Variants in DCAF11 observed in about 807,000 individuals in gnomAD.
DCAF11 encodes the protein DDB1- and CUL4-associated factor 11.
In DCAF11, 44 loss-of-function variants were observed where a neutral mutation model predicts 76.1. The ratio of observed to expected loss-of-function variants is 0.58; its 90% CI spans 0.45 to 0.74. The LOEUF (loss-of-function observed/expected upper bound fraction) is 0.74. Ranked by LOEUF, DCAF11 falls within the 30% of genes least tolerant of loss-of-function variation. The pLI, the probability that DCAF11 is intolerant of heterozygous loss-of-function variation, is 0.00. For missense variants in DCAF11, 604 were observed against 709.4 expected (o/e 0.85, Z 1.69); for synonymous variants, 258 against 255.0 (o/e 1.01, Z -0.11).
chr14:24,120,706 T>A, intron 11 of DCAF11, 132 bp from the exon 12 acceptor site: 2 of 1,155,780 alleles, frequency 1.7e-6, no homozygotes, highest in Non-Finnish European at 2.5e-6. Context: ...GGAAATGAGT[T>A]CACCTGGATG....
At chr14:24,119,285 C>G (rs2037645352) in intron 9 of DCAF11, 72 bp downstream of exon 9, 1 of 1,569,834 alleles carries the variant, frequency 6.4e-7, no homozygotes, top group African/African-American at 1.4e-5. Context: ...TCTGCTGTTA[C>G]ACAGATGGCA....
chr14:24,123,575 C>G lies in DCAF11; in HGVS notation c.*266C>G. Reference sequence around the variant, plus strand: ...GCCATTATCTGGGGTGTGGCCTCTGCCAGCAAGAGAAGTGTCCTGGGTGTT... The same window carrying G: ...GCCATTATCTGGGGTGTGGCCTCTGGCAGCAAGAGAAGTGTCCTGGGTGTT... On this transcript the variant is annotated 3_prime_UTR_variant, in exon 15 of 15. Coordinates refer to ENST00000446197, the MANE Select transcript of DCAF11 (RefSeq NM_025230.5). The G allele has an allele frequency of 2.4e-6, 1 of 424,874 alleles. No homozygotes were observed. The allele number at this position is 424,874 out of a possible 1,614,324, so 26.3% of individuals were successfully genotyped here. A position where few individuals can be genotyped will look rare whatever the true frequency, so the allele number is the denominator to read the frequency against.
chr14:24,119,997 T>A, intron 11 of DCAF11, 101 bp downstream of exon 11: 1 of 1,381,194 alleles, frequency 7.2e-7, no homozygotes, highest in African/African-American at 1.5e-5. Context: ...AGCTCCTTAT[T>A]AACCAAGGTT....
At chr14:24,115,881 C>G (rs1387739686) in intron 2 of DCAF11, 132 bp downstream of exon 2, 1 of 1,180,138 alleles carries the variant, frequency 8.5e-7, no homozygotes, top group Non-Finnish European at 1.2e-6. Flanking sequence ...GCTGAACAGC[C>G]TTTCCCTGCT....
chr14:24,119,556 C>G lies in DCAF11; in HGVS notation c.849-3C>G, dbSNP rs763912012. 1 of 1,614,128 alleles carries G rather than the reference C, an allele frequency of 6.2e-7. No homozygotes were observed. The highest frequency in any genetic ancestry group is 1.3e-5 in the African/African-American group (1 of 74,934). ...GGACCCTCCTTTATCCCTTCCCTTT[C>G]AGGGCCAATGATGGCTGCCTGTATG... On this transcript the variant is annotated splice_region_variant and splice_polypyrimidine_tract_variant and intron_variant, in intron 9 of 14. Transcript: ENST00000446197.
chr14:24,117,278 CT>C lies in DCAF11; in HGVS notation c.297del (p.Asp100ThrfsTer57). ...TTGGTACTCACAGTGGATGCTACCC[CT>C]GACACCCGGGAGCTGGAATTCAATG... ...DRYNPPVDAT[P>X]DTRELEFNEI... On this transcript the variant is annotated frameshift_variant, in exon 4 of 15. Coordinates refer to ENST00000446197, the MANE Select transcript of DCAF11 (RefSeq NM_025230.5). LOFTEE classifies it high-confidence loss of function. This position sits in a 1 kb window ranked among gnomAD's most constrained non-coding sequence, Gnocchi z 4.3. The C allele has an allele frequency of 6.2e-7, 1 of 1,614,208 alleles. No individual in the cohort carries two copies. Among genetic ancestry groups the C allele is most frequent in the Non-Finnish European group, 8.5e-7 (1 of 1,180,026 alleles).
chr14:24,123,111 G>A lies in DCAF11; in HGVS notation c.1506+34G>A, dbSNP rs377444604. The A allele has an allele frequency of 1.2e-5, 19 of 1,614,114 alleles. No homozygotes were observed. The African/African-American group carries it at 2.4e-4, about 20-fold the overall frequency. ...GCAAGGGTTGAGGGTGCTGGCACAT[G>A]TCTGGGGCTTGGACTTGGGTGGGGG... On this transcript the variant is annotated intron_variant, in intron 14 of 14. Coordinates refer to ENST00000446197, the MANE Select transcript of DCAF11 (RefSeq NM_025230.5).
chr14:24,118,831 T>C, intron 8 of DCAF11, 27 bp downstream of exon 8: 2 of 1,612,998 alleles, frequency 1.2e-6, no homozygotes, highest in Non-Finnish European at 1.7e-6. Flanking sequence ...CTGGTCAGAC[T>C]CATCAGAAAC....
At chr14:24,116,447 G>A (rs1330981918) in intron 2 of DCAF11, among the ~76,000 whole-genome samples, 1 of 152,134 alleles carries the variant, frequency 6.6e-6, no homozygotes, top group Non-Finnish European at 1.5e-5. Flanking sequence ...ACCACAGCCT[G>A]CAACTCCTGG....
rs1311514041 is a variant in DCAF11, at chr14:24,121,204, T to C, written c.1247-161T>C. The stretch of plus-strand genomic sequence containing the variant: ...GTGTAATGATTAACCGGCAGGGCCA[T>C]ATTGGAGACTGTCCACTGACTATTA... On this transcript the variant is annotated intron_variant, in intron 12 of 14. Coordinates refer to ENST00000446197, the MANE Select transcript of DCAF11 (RefSeq NM_025230.5). The C allele has an allele frequency of 1.5e-5, 17 of 1,122,872 alleles. No homozygotes were observed. In the East Asian group the frequency reaches 2.6e-4, roughly 17 times the overall value. The allele number at this position is 1,122,872 out of a possible 1,614,324, so 69.6% of individuals were successfully genotyped here. A position where few individuals can be genotyped will look rare whatever the true frequency, so the allele number is the denominator to read the frequency against.
rs1456115483 is a variant in DCAF11, at chr14:24,123,767, C to T, written c.*458C>T. ...CTTCCTGAGGTCTCTAGGGGAGGGG[C>T]ATGGGTAAGGGTGTTTCCTCAGCAC... On this transcript the variant is annotated 3_prime_UTR_variant, in exon 15 of 15. Coordinates refer to ENST00000446197, the MANE Select transcript of DCAF11 (RefSeq NM_025230.5). The T allele has an allele frequency of 6.4e-6, 1 of 155,552 alleles. No homozygotes were observed. The allele number at this position is 155,552 out of a possible 1,614,324, so 9.6% of individuals were successfully genotyped here. A position where few individuals can be genotyped will look rare whatever the true frequency, so the allele number is the denominator to read the frequency against.
Position 24,117,407 on chromosome 14 carries a change from C to T in DCAF11, c.411+14C>T, listed in dbSNP as rs753568618. The T allele has an allele frequency of 6.2e-7, 1 of 1,613,328 alleles. No homozygotes were observed. The highest frequency in any genetic ancestry group is 1.3e-5 in the African/African-American group (1 of 74,908). On this transcript the variant is annotated intron_variant, in intron 4 of 14. Transcript: ENST00000446197. This position sits in a 1 kb window ranked among gnomAD's most constrained non-coding sequence, Gnocchi z 4.3. ...ATGTTGCACCAGGTAGGCCTCTCCACCTCCCAGCCTGGCAGCAGGCCTGCC... is the reference window on the plus strand; with the variant it reads ...ATGTTGCACCAGGTAGGCCTCTCCATCTCCCAGCCTGGCAGCAGGCCTGCC...
rs1023544939 is a variant in DCAF11 at position 24,124,287 on chromosome 14, G to A, written c.*978G>A. The stretch of plus-strand genomic sequence containing the variant: ...AGAGCACACTTTCCATTAGAGCCTG[G>A]TAATACCCATATCACCTCTGCTCTG... On this transcript the variant is annotated 3_prime_UTR_variant, in exon 15 of 15. Coordinates refer to ENST00000446197, the MANE Select transcript of DCAF11 (RefSeq NM_025230.5). The A allele has an allele frequency of 3.9e-5, 6 of 152,208 alleles. No individual in the cohort carries two copies. The highest frequency in any genetic ancestry group is 1.4e-4 in the African/African-American group (6 of 41,458). 9.4% of individuals were successfully genotyped at this position (152,208 alleles called of 1,614,324 possible).
Position 24,118,795 on chromosome 14 carries a change from T to G in DCAF11, c.770T>G (p.Leu257Arg). 1.9e-6 allele frequency: 3 copies of G among 1,614,102 alleles called. No homozygotes were observed. In the East Asian group the frequency reaches 6.7e-5, roughly 36 times the overall value. Residue 257 changes from leucine (L) to arginine (R), a missense_variant, in exon 8 of 15, where the codon CTG (leucine) becomes CGG (arginine). Coordinates refer to ENST00000446197, the MANE Select transcript of DCAF11 (RefSeq NM_025230.5). ...IYGEGDTHTALDLRPDERRFA... is the reference protein window; with the variant it reads ...IYGEGDTHTARDLRPDERRFA... The stretch of plus-strand genomic sequence containing the variant: ...GGTGAGGGAGATACACACACTGCCC[T>G]GGATCTCAGGTACTGGCTTCCCTTT...
In DCAF11 at chr14:24,119,761, C is replaced by T; in HGVS notation, c.957C>T (p.Ser319=). 1 of 1,614,262 alleles carries T rather than the reference C, an allele frequency of 6.2e-7. No individual in the cohort carries two copies. Residue 319 remains serine (S), a synonymous_variant, in exon 11 of 15, where the codon AGC becomes AGT. Coordinates refer to ENST00000446197, the MANE Select transcript of DCAF11 (RefSeq NM_025230.5). ...DVNAVAFADI[S]SQILFSGGDD... Reference sequence around the variant, plus strand: ...ATGCAGTGGCCTTTGCTGATATAAGCTCCCAAATCCTGTTCTCTGGGGGAG... The same window carrying T: ...ATGCAGTGGCCTTTGCTGATATAAGTTCCCAAATCCTGTTCTCTGGGGGAG...
rs1317766656 is a variant in DCAF11 at position 24,118,152 on chromosome 14, C to T, written c.574C>T (p.Gln192Ter). The change falls in exon 6 of 15, where the codon CAA becomes TAA. Residue 192 changes from glutamine (Q) to a stop codon, truncating the protein, a stop_gained. Transcript: ENST00000446197. LOFTEE classifies it high-confidence loss of function. ...TGGTCAAATATTCATGTCTGCTTGCCAAGGTACCAGACCCTGGTCCTATAA... is the reference window on the plus strand; with the variant it reads ...TGGTCAAATATTCATGTCTGCTTGCTAAGGTACCAGACCCTGGTCCTATAA... The part of the protein sequence containing the change: ...KDGQIFMSAC[Q>*]DQTIRLYDCR... 1 of 1,611,296 alleles carries T rather than the reference C, an allele frequency of 6.2e-7. No homozygotes were observed. The highest frequency in any genetic ancestry group is 1.7e-5 in the Admixed American group (1 of 59,588).
At chr14:24,120,009 G>A (rs923246730) in intron 11 of DCAF11, 113 bp downstream of exon 11, 20 of 1,334,710 alleles carry the variant, frequency 1.5e-5, no homozygotes, top group African/African-American at 4.4e-5. Flanking sequence ...ACCAAGGTTT[G>A]TAAGAGTTGG....
At chr14:24,118,337 A>G (rs751619807) in intron 6 of DCAF11, 51 bp from the exon 7 acceptor site, 3 of 1,609,924 alleles carry the variant, frequency 1.9e-6, no homozygotes, top group Non-Finnish European at 2.5e-6. Flanking sequence ...CTAATCTAGA[A>G]AAGTTACAAG....
chr14:24,114,983 T>TC lies in DCAF11; in HGVS notation c.-522dup. 1 of 985,874 alleles carries TC rather than the reference T, an allele frequency of 1.0e-6. No homozygotes were observed. 61.1% of individuals were successfully genotyped at this position (985,874 alleles called of 1,614,324 possible). ...CTTCAGTGGGAGGTGCTTCTCGGCT[T>TC]CCTCCCCCTCATGGCGTACACACCC... On this transcript the variant is annotated 5_prime_UTR_variant, in exon 1 of 15. Transcript: ENST00000446197.
Sources: gnomAD v4.1 joint callset for allele counts (sites outside exome capture counted in the v4.1 genomes callset) on GRCh38, gnomAD v4.1.1 for gene constraint, Gnocchi (gnomAD v3.1) non-coding constraint, MANE v1.5 for transcripts, NCBI Gene and HGNC (gene_info 2026-07-23, HGNC 2026-07-21) for gene names.